Variants in KCNAB3 observed in about 807,000 individuals in gnomAD.
KCNAB3 encodes potassium voltage-gated channel subfamily A regulatory beta subunit 3.
Under a neutral mutation model 67.7 loss-of-function variants are expected in KCNAB3, and 62 were observed. That is an observed-to-expected ratio of 0.92 (90% CI 0.75 to 1.13). The LOEUF is 1.13. KCNAB3 is among the 50% of genes most tolerant of loss of function. The pLI, the probability that KCNAB3 is intolerant of heterozygous loss-of-function variation, is 0.00. For synonymous variants in KCNAB3, 212 were observed against 205.4 expected (o/e 1.03, Z -0.27); for missense variants, 514 against 522.9 (o/e 0.98, Z 0.17).
At position 7,923,953 on chromosome 17, in the gene KCNAB3, G is replaced by T. The variant is rs1363529675; in HGVS notation, c.927+15C>A. On this transcript the variant is annotated intron_variant, in intron 11 of 13. Transcript: ENST00000303790. ...ATATAGCCCAGTCCTGCCATCGAGA[G>T]CCCCCAGATCTCACCTTGATGGAGG... 3.1e-6 allele frequency: 5 copies of T among 1,610,816 alleles called. No individual in the cohort carries two copies. Among genetic ancestry groups the T allele is most frequent in the Non-Finnish European group, 4.2e-6 (5 of 1,178,986 alleles).
chr17:7,929,195 T>C lies in KCNAB3; in HGVS notation c.241A>G (p.Arg81Gly). Residue 81 changes from arginine to glycine, a missense_variant and splice_region_variant, in exon 1 of 14, where the codon AGG (arginine) becomes GGG (glycine). By Grantham distance (125) the Arg-to-Gly change is moderately radical. Coordinates refer to ENST00000303790, the MANE Select transcript of KCNAB3 (RefSeq NM_004732.4). The surrounding 1 kb of genome is among the most constrained non-coding windows in gnomAD (Gnocchi z 5.7). ...STGRGTGMKY[R>G]NLGKSGLRVS... is the part of the protein sequence containing the mutation. ...TGGGCTGCCCGGCCACCCCCATACCTGTATTTCATGCCAGTGCCTCGGCCG... is the reference window on the plus strand; with the variant it reads ...TGGGCTGCCCGGCCACCCCCATACCCGTATTTCATGCCAGTGCCTCGGCCG... 2 of 1,611,448 alleles carry C rather than the reference T, an allele frequency of 1.2e-6. No individual in the cohort carries two copies. The highest frequency in any genetic ancestry group is 1.7e-6 in the Non-Finnish European group (2 of 1,179,456).
chr17:7,929,808 G>GAGAT lies in KCNAB3; in HGVS notation c.-374_-373insATCT. On this transcript the variant is annotated 5_prime_UTR_variant, in exon 1 of 14. Transcript: ENST00000303790. This position sits in a 1 kb window ranked among gnomAD's most constrained non-coding sequence, Gnocchi z 5.7. ...GAGAGATGCCACTTCAGCGCGAACC[G>GAGAT]CTGCGGGACCCGCTGGGCTCCCAGC... 205 of 1,048,084 alleles carry GAGAT rather than the reference G, an allele frequency of 2.0e-4. No individual in the cohort carries two copies. The highest frequency in any genetic ancestry group is 1.2e-3 in the Admixed American group (22 of 17,838). The allele number at this position is 1,048,084 out of a possible 1,614,324, so 64.9% of individuals were successfully genotyped here.
chr17:7,927,146 C>G (rs1049611033), intron 4 of KCNAB3, 198 bp downstream of exon 4: 2 of 641,840 alleles, frequency 3.1e-6, no homozygotes, highest in Non-Finnish European at 5.6e-6. Flanking sequence ...CTGCACAGTA[C>G]GCCCATTGAC....
chr17:7,929,846 G>T lies in KCNAB3; in HGVS notation c.-411C>A, dbSNP rs369938158. 1.9e-6 allele frequency: 2 copies of T among 1,078,412 alleles called. No individual in the cohort carries two copies. Among genetic ancestry groups the T allele is most frequent in the African/African-American group, 3.5e-5 (2 of 57,788 alleles). The allele number at this position is 1,078,412 out of a possible 1,614,324, so 66.8% of individuals were successfully genotyped here. A position where few individuals can be genotyped will look rare whatever the true frequency, so the allele number is the denominator to read the frequency against. ...CTGGGCTCCCAGCCGCGTCGGCAGC[G>T]GGCCCAGCTCATCAGCATGCAGGCA... On this transcript the variant is annotated 5_prime_UTR_variant, in exon 1 of 14. Transcript: ENST00000303790. This position sits in a 1 kb window ranked among gnomAD's most constrained non-coding sequence, Gnocchi z 5.7.
chr17:7,927,543 G>T, intron 3 of KCNAB3, 114 bp downstream of exon 3: 1 of 1,517,446 alleles, frequency 6.6e-7, no homozygotes, highest in Non-Finnish European at 9.2e-7. Context: ...CCATCCTCCA[G>T]CCTCAGATCC....
Position 7,927,701 on chromosome 17 carries a change from G to A in KCNAB3, c.287-7C>T, listed in dbSNP as rs1972281290. On this transcript the variant is annotated splice_polypyrimidine_tract_variant and splice_region_variant and intron_variant, in intron 2 of 13. Transcript: ENST00000303790. ...CCAAATGTGACCCAGGTACCTGCAAGAGAGAAGCCAGGCACATGAGAACTG... is the reference window on the plus strand; with the variant it reads ...CCAAATGTGACCCAGGTACCTGCAAAAGAGAAGCCAGGCACATGAGAACTG... 9.3e-6 allele frequency: 15 copies of A among 1,614,184 alleles called. No homozygotes were observed. The highest frequency in any genetic ancestry group is 1.3e-5 in the Non-Finnish European group (15 of 1,180,034).
intron 12 of KCNAB3, 27 bp downstream of exon 12, chr17:7,923,682 CAG>C: frequency 6.4e-7 from 1 of 1,553,742 alleles, no homozygotes; most frequent in Non-Finnish European, 8.7e-7. Context: ...CAGGAGGAGA[CAG>C]GGCCCCTGCA....
At position 7,923,080 on chromosome 17, in the gene KCNAB3, G is replaced by A. The variant is rs1972093646; in HGVS notation, c.*22C>T. The A allele has an allele frequency of 1.2e-6, 2 of 1,611,302 alleles. No homozygotes were observed. The highest frequency in any genetic ancestry group is 1.3e-5 in the African/African-American group (1 of 74,870). Reference sequence around the variant, plus strand: ...CGGGCGGGTGCAGCGACACCGGGTTGGGTCCCTGCGCCCGCGACAGACTAC... The same window carrying A: ...CGGGCGGGTGCAGCGACACCGGGTTAGGTCCCTGCGCCCGCGACAGACTAC... On this transcript the variant is annotated 3_prime_UTR_variant, in exon 14 of 14. Transcript: ENST00000303790.
At chr17:7,924,307 T>C (rs775769080) in intron 9 of KCNAB3, 42 bp from the exon 10 acceptor site, 32 of 1,612,348 alleles carry the variant, frequency 2.0e-5, no homozygotes, top group Admixed American at 6.7e-5. Context: ...AGAGCACTAC[T>C]TCCGTTTTCT....
chr17:7,929,584 T>C lies in KCNAB3; in HGVS notation c.-149A>G, dbSNP rs1379861897. 1.8e-5 allele frequency: 26 copies of C among 1,440,460 alleles called. No homozygotes were observed. The highest frequency in any genetic ancestry group is 2.2e-5 in the Non-Finnish European group (24 of 1,106,626). 89.2% of individuals were successfully genotyped at this position (1,440,460 alleles called of 1,614,324 possible). On this transcript the variant is annotated 5_prime_UTR_variant, in exon 1 of 14. Coordinates refer to ENST00000303790, the MANE Select transcript of KCNAB3 (RefSeq NM_004732.4). This position sits in a 1 kb window ranked among gnomAD's most constrained non-coding sequence, Gnocchi z 5.7. ...CTGCGGCGGGAGCCGCCAGGCAGGA[T>C]CGGGCCCGCGGGGGCGGGCTGCTGG...
At chr17:7,925,421 C>A in intron 7 of KCNAB3, 1 of 593,460 alleles carries the variant, frequency 1.7e-6, no homozygotes. Flanking sequence ...CCCAGTTACT[C>A]GAGACGCTGA....
chr17:7,924,406 C>T lies in KCNAB3; in HGVS notation c.711+9G>A. ...GTGGGACAGGGGCAAGGTGGGGTCA[C>T]ACACTCACCATGATTTCTGCAGCCC... is the stretch of plus-strand genomic sequence containing the variant. On this transcript the variant is annotated intron_variant, in intron 9 of 13. Coordinates refer to ENST00000303790, the MANE Select transcript of KCNAB3 (RefSeq NM_004732.4). The T allele has an allele frequency of 1.2e-6, 2 of 1,613,012 alleles. No homozygotes were observed. The highest frequency in any genetic ancestry group is 1.7e-6 in the Non-Finnish European group (2 of 1,179,314).
intron 1 of KCNAB3, 105 bp from the exon 2 acceptor site, chr17:7,927,931 C>T (rs1972291175): frequency 1.4e-6 from 2 of 1,394,854 alleles, no homozygotes; most frequent in East Asian, 2.3e-5. Context: ...TCAGGTGTCT[C>T]AGTCCAAAGA....
intron 7 of KCNAB3, 96 bp from the exon 8 acceptor site, chr17:7,925,279 G>C: frequency 1.0e-6 from 1 of 979,526 alleles, no homozygotes; most frequent in Non-Finnish European, 1.6e-6. Context: ...TGTAATCCCA[G>C]CACTTTGGGA....
At chr17:7,925,529 CAAAAAAAAAAAAA>C in intron 7 of KCNAB3, 141 bp downstream of exon 7, 1 of 431,858 alleles carries the variant, frequency 2.3e-6, no homozygotes, top group Non-Finnish European at 4.0e-6. Flanking sequence ...AACTCCGTCT[CAAAAAAAAAAAAA>C]AAAAAAAAAG....
At chr17:7,925,347 G>A (rs1043151384) in intron 7 of KCNAB3, 164 bp from the exon 8 acceptor site, 4 of 594,148 alleles carry the variant, frequency 6.7e-6, no homozygotes, top group Non-Finnish European at 9.0e-6. Context: ...GGCTAACGTG[G>A]TGAAACCCCA....
Position 7,923,715 on chromosome 17 carries a change from A to G in KCNAB3, c.1044T>C (p.Ala348=), listed in dbSNP as rs1291461149. ...HQLGCTVAQL[A]IAWCLRSEGV... ...CTGCAGGGTGCAATGTCTCACCAAT[A>G]GCAAGCTGGGCCACGGTGCAGCCCA... The change falls in exon 12 of 14, where the codon GCT becomes GCC. Residue 348 remains alanine (A), a synonymous_variant. Transcript: ENST00000303790. The G allele has an allele frequency of 4.5e-6, 7 of 1,560,172 alleles. No homozygotes were observed. The highest frequency in any genetic ancestry group is 5.2e-6 in the Non-Finnish European group (6 of 1,151,516).
intron 8 of KCNAB3, 178 bp downstream of exon 8, chr17:7,924,919 C>T (rs1052129168): frequency 5.0e-6 from 3 of 602,004 alleles, no homozygotes; most frequent in Non-Finnish European, 5.7e-6. Flanking sequence ...AATTTTAAAA[C>T]ATTTTTTGTA....
In KCNAB3 at chr17:7,927,330, A is replaced by T; in HGVS notation, c.404+14T>A. ...CTTCCAAATGGAGCTTAGCTCTTTC[A>T]CCCCAGTCCTTACTTTCCTGCTGCG... On this transcript the variant is annotated intron_variant, in intron 4 of 13. Coordinates refer to ENST00000303790, the MANE Select transcript of KCNAB3 (RefSeq NM_004732.4). 6.2e-7 allele frequency: 1 copy of T among 1,611,452 alleles called. No individual in the cohort carries two copies. Among genetic ancestry groups the T allele is most frequent in the African/African-American group, 1.3e-5 (1 of 74,878 alleles).
Sources: allele counts gnomAD v4.1 joint callset, GRCh38; gene constraint gnomAD v4.1.1; non-coding constraint Gnocchi (gnomAD v3.1); transcripts MANE v1.5; gene names NCBI Gene and HGNC (gene_info 2026-07-23, HGNC 2026-07-21).